The following AGAP1 variants were observed in gnomAD, a reference collection of about 807,000 sequenced individuals.
The protein encoded by AGAP1 is ArfGAP with GTPase domain, ankyrin repeat and PH domain 1, also known as arf-GAP with GTPase, ANK repeat and PH domain-containing protein 1.
A neutral mutation model predicts 105.3 loss-of-function variants in AGAP1; 29 were observed. The observed-to-expected ratio is 0.28, with a 90% CI of 0.21 to 0.38. The LOEUF (loss-of-function observed/expected upper bound fraction) is 0.38, where lower values mean the gene tolerates loss of function less well. Among genes scored for constraint, AGAP1 ranks in the 10% least tolerant of loss-of-function variants. The probability of loss-of-function intolerance (pLI) is 1.00; values close to 1 mark genes in which losing one functional copy is unlikely to be tolerated. For synonymous variants in AGAP1, 509 were observed against 485.9 expected (o/e 1.05, Z -0.63); for missense variants, 998 against 1,165.1 (o/e 0.86, Z 2.09).
Position 235,690,923 on chromosome 2 carries a change from T to C in AGAP1, c.164-18256T>C, listed in dbSNP as rs2149440354. ...AATACTTCGGATCTGGCCTGAGGGT[T>C]TGGCAGGGATTCGTGGCTGCTATTT... On this transcript the variant is annotated intron_variant, in intron 1 of 17. Coordinates refer to ENST00000304032, the MANE Select transcript of AGAP1 (RefSeq NM_001037131.3). The surrounding 1 kb of genome is among the most constrained non-coding windows in gnomAD (Gnocchi z 4.1). Among the ~76,000 whole-genome samples, 1 of 152,306 alleles carries C rather than the reference T, an allele frequency of 6.6e-6. No individual in the cohort carries two copies. The highest frequency in any genetic ancestry group is 3.4e-3 in the Middle Eastern group (1 of 294).
rs1190603843 is a variant in AGAP1 at position 235,979,951 on chromosome 2, G to A, written c.1645+11328G>A. 6.6e-6 allele frequency among the ~76,000 whole-genome samples: 1 copy of A among 152,100 alleles called. No homozygotes were observed. The highest frequency in any genetic ancestry group is 1.5e-5 in the Non-Finnish European group (1 of 68,016). ...GCCACCTCGTCGCCTTGCTGCCTCT[G>A]CATGCAGTAAAATACAAAAAAAAGA... is the stretch of plus-strand genomic sequence containing the variant. On this transcript the variant is annotated intron_variant, in intron 13 of 17. Transcript: ENST00000304032. This position sits in a 1 kb window ranked among gnomAD's most constrained non-coding sequence, Gnocchi z 4.5.
At chr2:235,778,484 G>T (rs150997806) in intron 6 of AGAP1, among the ~76,000 whole-genome samples, 1 of 152,094 alleles carries the variant, frequency 6.6e-6, no homozygotes, top group Non-Finnish European at 1.5e-5. Flanking sequence ...TTCCTGCTCC[G>T]TGCTCTTCCT....
intron 1 of AGAP1, among the ~76,000 whole-genome samples, chr2:235,661,898 G>C (rs926345586): frequency 6.6e-6 from 1 of 152,206 alleles, no homozygotes; most frequent in African/African-American, 2.4e-5. Flanking sequence ...AGTTGGGATG[G>C]AAAGGATGCA....
chr2:235,933,209 G>A (rs2052809153), intron 12 of AGAP1, among the ~76,000 whole-genome samples: 1 of 152,172 alleles, frequency 6.6e-6, no homozygotes, highest in Non-Finnish European at 1.5e-5. Context: ...TAAAGAACCA[G>A]ATGGATTTTT....
At chr2:235,682,890 A>G (rs1486208222) in intron 1 of AGAP1, among the ~76,000 whole-genome samples, 5 of 151,462 alleles carry the variant, frequency 3.3e-5, no homozygotes, top group African/African-American at 1.2e-4. Context: ...TTGTTGATGG[A>G]CTCATCTCAC....
At chr2:235,955,789 C>G (rs1280621331) in intron 12 of AGAP1, among the ~76,000 whole-genome samples, 3 of 152,146 alleles carry the variant, frequency 2.0e-5, no homozygotes, top group African/African-American at 4.8e-5. Context: ...CAGGGATGTA[C>G]TTCGAAGCAG....
At chr2:235,838,849 CTT>C (rs367945501) in intron 9 of AGAP1, among the ~76,000 whole-genome samples, 2 of 148,058 alleles carry the variant, frequency 1.4e-5, no homozygotes, top group Non-Finnish European at 3.0e-5. Context: ...TGATTAAAGA[CTT>C]TTTTTTTTTA....
chr2:236,040,683 T>G lies in AGAP1; in HGVS notation c.1801-68T>G. On this transcript the variant is annotated intron_variant, in intron 14 of 17. Coordinates refer to ENST00000304032, the MANE Select transcript of AGAP1 (RefSeq NM_001037131.3). The surrounding 1 kb of genome is among the most constrained non-coding windows in gnomAD (Gnocchi z 5.6). The stretch of plus-strand genomic sequence containing the variant: ...CCCAATCTGTTTGATCTTTCCCTGA[T>G]GTTATCAGTGATGTGCGTTTCTCCC... 1 of 1,451,796 alleles carries G rather than the reference T, an allele frequency of 6.9e-7. No homozygotes were observed. The highest frequency in any genetic ancestry group is 9.6e-7 in the Non-Finnish European group (1 of 1,038,790). The allele number at this position is 1,451,796 out of a possible 1,614,324, so 89.9% of individuals were successfully genotyped here.
Position 235,865,493 on chromosome 2 carries a change from A to G in AGAP1, c.1051-17852A>G, listed in dbSNP as rs2049122300. On this transcript the variant is annotated intron_variant, in intron 9 of 17. Coordinates refer to ENST00000304032, the MANE Select transcript of AGAP1 (RefSeq NM_001037131.3). This position sits in a 1 kb window ranked among gnomAD's most constrained non-coding sequence, Gnocchi z 6.2. ...AAAGTGTAACCCTTTGTGCCCTGCA[A>G]CCTGGCACAACGACAGAAATATTAC... Among the ~76,000 whole-genome samples, 1 of 152,186 alleles carries G rather than the reference A, an allele frequency of 6.6e-6. No homozygotes were observed. Among genetic ancestry groups the G allele is most frequent in the Admixed American group, 6.5e-5 (1 of 15,284 alleles).
intron 1 of AGAP1, among the ~76,000 whole-genome samples, chr2:235,643,442 A>G (rs1947267135): frequency 6.7e-6 from 1 of 149,692 alleles, no homozygotes; most frequent in African/African-American, 2.5e-5. Context: ...AAAAAAAAAA[A>G]AAAAAAAAAA....
chr2:235,777,435 G>C lies in AGAP1; in HGVS notation c.674-20324G>C, dbSNP rs922760159. 6.6e-6 allele frequency among the ~76,000 whole-genome samples: 1 copy of C among 152,232 alleles called. No homozygotes were observed. The highest frequency in any genetic ancestry group is 2.4e-5 in the African/African-American group (1 of 41,470). ...ATGGGACAGAAGAAGAATTACAGGT[G>C]TGAAGCGCCCGTGTGGGGCTGATTC... On this transcript the variant is annotated intron_variant, in intron 6 of 17. Coordinates refer to ENST00000304032, the MANE Select transcript of AGAP1 (RefSeq NM_001037131.3). This position sits in a 1 kb window ranked among gnomAD's most constrained non-coding sequence, Gnocchi z 5.1.
Position 235,524,543 on chromosome 2 carries a change from A to T in AGAP1, c.163+29694A>T, listed in dbSNP as rs115022664. ...GGGCTGCACCCAGCCCCCATGGGTA[A>T]GTATAACCCCCACCCCACTACTGCC... On this transcript the variant is annotated intron_variant, in intron 1 of 17. Transcript: ENST00000304032. 1.3e-4 allele frequency: 37 copies of T among 294,434 alleles called. 1 individual carries two copies. The highest frequency in any genetic ancestry group is 1.1e-3 in the South Asian group (36 of 33,716). The allele number at this position is 294,434 out of a possible 1,614,324, so 18.2% of individuals were successfully genotyped here. A position where few individuals can be genotyped will look rare whatever the true frequency, so the allele number is the denominator to read the frequency against.
chr2:235,799,042 A>C lies in AGAP1; in HGVS notation c.802-325A>C, dbSNP rs1454965662. Among the ~76,000 whole-genome samples, 1 of 152,154 alleles carries C rather than the reference A, an allele frequency of 6.6e-6. No homozygotes were observed. Among genetic ancestry groups the C allele is most frequent in the Non-Finnish European group, 1.5e-5 (1 of 68,040 alleles). On this transcript the variant is annotated intron_variant, in intron 7 of 17. Coordinates refer to ENST00000304032, the MANE Select transcript of AGAP1 (RefSeq NM_001037131.3). The surrounding 1 kb of genome is among the most constrained non-coding windows in gnomAD (Gnocchi z 5.0). Reference sequence around the variant, plus strand: ...AGGGACCATAGAATCCCTTTAGTTTAACCAACCCCTTTCATTTTCAGAGGA... The same window carrying C: ...AGGGACCATAGAATCCCTTTAGTTTCACCAACCCCTTTCATTTTCAGAGGA...
At chr2:235,820,735 A>G (rs1037367763) in intron 9 of AGAP1, among the ~76,000 whole-genome samples, 3 of 152,262 alleles carry the variant, frequency 2.0e-5, no homozygotes, top group Non-Finnish European at 4.4e-5. Flanking sequence ...GAGACGAGTA[A>G]TGTGCCAAGT....
chr2:236,017,191 G>GCAACCTCCGCCTC, intron 13 of AGAP1, among the ~76,000 whole-genome samples: 1 of 151,776 alleles, frequency 6.6e-6, no homozygotes, highest in East Asian at 1.9e-4. Flanking sequence ...TACTCAGGAG[G>GCAACCTCCGCCTC]CTGAGGCAGG....
At chr2:235,495,403 G>C (rs1190522998) in intron 1 of AGAP1, among the ~76,000 whole-genome samples, 1 of 152,250 alleles carries the variant, frequency 6.6e-6, no homozygotes, top group Non-Finnish European at 1.5e-5. Context: ...ATCGTGTCCA[G>C]GTGCCCCTGT....
rs10681734 is a variant in AGAP1 at position 235,888,705 on chromosome 2, TAAA to T, written c.1155+5269_1155+5271del. On this transcript the variant is annotated intron_variant, in intron 10 of 17. Coordinates refer to ENST00000304032, the MANE Select transcript of AGAP1 (RefSeq NM_001037131.3). This position sits in a 1 kb window ranked among gnomAD's most constrained non-coding sequence, Gnocchi z 4.8. The stretch of plus-strand genomic sequence containing the variant: ...GGGCGACCATGCAAGACCCTGTCTT[TAAA>T]AAAAAAAAAAAAGTTGATAGAGGCA... 1.4e-5 allele frequency among the ~76,000 whole-genome samples: 2 copies of T among 142,290 alleles called. No individual in the cohort carries two copies. Among genetic ancestry groups the T allele is most frequent in the African/African-American group, 2.6e-5 (1 of 38,904 alleles). 93.3% of individuals were successfully genotyped at this position (142,290 alleles called of 152,430 possible).
At chr2:235,915,313 T>C (rs1235121130) in intron 11 of AGAP1, among the ~76,000 whole-genome samples, 2 of 152,228 alleles carry the variant, frequency 1.3e-5, no homozygotes, top group East Asian at 1.9e-4. Context: ...AAGGAAATTA[T>C]AACTCCTATC....
chr2:236,068,893 C>G (rs546459597), intron 16 of AGAP1, among the ~76,000 whole-genome samples: 2 of 150,782 alleles, frequency 1.3e-5, no homozygotes, highest in Non-Finnish European at 2.9e-5. Context: ...CTTTGGGAGG[C>G]CAAGGCAGGC....
Sources: gnomAD v4.1 joint callset for allele counts (sites outside exome capture counted in the v4.1 genomes callset) on GRCh38, gnomAD v4.1.1 for gene constraint, Gnocchi (gnomAD v3.1) non-coding constraint, MANE v1.5 for transcripts, NCBI Gene and HGNC (gene_info 2026-07-23, HGNC 2026-07-21) for gene names.